The following BRIP1 variants were observed in gnomAD, a reference collection of about 807,000 sequenced individuals.
BRIP1 encodes the protein Fanconi anemia group J protein.
A neutral mutation model predicts 119.7 loss-of-function variants in BRIP1; 88 were observed. That is an observed-to-expected ratio of 0.74 (90% confidence interval 0.62 to 0.88). The LOEUF is 0.88. BRIP1 is among the 40% of genes least tolerant of loss of function. BRIP1 has a pLI of 0.00. For missense variants in BRIP1, 1,259 were observed against 1,455.4 expected, an observed-to-expected ratio of 0.87 and a Z score of 2.20; for synonymous variants, 443 against 496.5, an observed-to-expected ratio of 0.89 and a Z score of 1.43.
rs1307310344 is a variant in BRIP1 at position 61,810,265 on chromosome 17, T to C, written c.628-1508A>G. Among the ~76,000 whole-genome samples the C allele has an allele frequency of 6.6e-6, 1 of 152,240 alleles. No homozygotes were observed. The highest frequency in any genetic ancestry group is 2.4e-5 in the African/African-American group (1 of 41,470). ...AAAAGAAGAGTTATGAATGGGGCTC[T>C]TGTCAACAGTGAGGCAGGAAACAGC... On this transcript the variant is annotated intron_variant, in intron 6 of 19. Transcript: ENST00000259008. This position sits in a 1 kb window ranked among gnomAD's most constrained non-coding sequence, Gnocchi z 4.7.
rs2078857035 is a variant in BRIP1, at chr17:61,853,854, T to C, written c.379+3204A>G. Among the ~76,000 whole-genome samples the C allele has an allele frequency of 6.6e-6, 1 of 152,038 alleles. No individual in the cohort carries two copies. The highest frequency in any genetic ancestry group is 2.1e-4 in the South Asian group (1 of 4,828). Reference sequence around the variant, plus strand: ...ATTTAACAGTAAGAACACAAACTAATAAAAAATAGGCAATTATTCGAACAG... The same window carrying C: ...ATTTAACAGTAAGAACACAAACTAACAAAAAATAGGCAATTATTCGAACAG... On this transcript the variant is annotated intron_variant, in intron 4 of 19. Coordinates refer to ENST00000259008, the MANE Select transcript of BRIP1 (RefSeq NM_032043.3). The surrounding 1 kb of genome is among the most constrained non-coding windows in gnomAD (Gnocchi z 4.3).
intron 6 of BRIP1, among the ~76,000 whole-genome samples, chr17:61,811,200 A>G (rs1165610424): frequency 6.6e-6 from 1 of 151,984 alleles, no homozygotes; most frequent in African/African-American, 2.4e-5. Flanking sequence ...CCTCAAGAAG[A>G]TGGTTTTCTT....
rs568735651 is a variant in BRIP1 at position 61,824,467 on chromosome 17, T to C, written c.628-15710A>G. 3.9e-5 allele frequency among the ~76,000 whole-genome samples: 6 copies of C among 152,288 alleles called. No homozygotes were observed. The South Asian group carries it at 1.0e-3, about 26-fold the overall frequency. On this transcript the variant is annotated intron_variant, in intron 6 of 19. Coordinates refer to ENST00000259008, the MANE Select transcript of BRIP1 (RefSeq NM_032043.3). The surrounding 1 kb of genome is among the most constrained non-coding windows in gnomAD (Gnocchi z 4.3). The stretch of plus-strand genomic sequence containing the variant: ...TGGTACTGGCATAAAAACAGAAATA[T>C]AGACCAATGGAACAGAATAGAAATT...
rs1300404533 is a variant in BRIP1, at chr17:61,762,315, G to A, written c.2097+14086C>T. Among the ~76,000 whole-genome samples the A allele has an allele frequency of 2.6e-5, 4 of 151,932 alleles. No individual in the cohort carries two copies. Among genetic ancestry groups the A allele is most frequent in the Non-Finnish European group, 5.9e-5 (4 of 67,968 alleles). On this transcript the variant is annotated intron_variant, in intron 14 of 19. Transcript: ENST00000259008. This position sits in a 1 kb window ranked among gnomAD's most constrained non-coding sequence, Gnocchi z 4.3. Reference sequence around the variant, plus strand: ...AACTACTAGAAGAAAACAGAGGGGGGAAAACTACATAACATTGGTTTAGGC... The same window carrying A: ...AACTACTAGAAGAAAACAGAGGGGGAAAAACTACATAACATTGGTTTAGGC...
rs35235448 is a variant in BRIP1, at chr17:61,680,181, TAAAAAAA to T, written c.*3108_*3114del. Among the ~76,000 whole-genome samples, 8 of 127,938 alleles carry T rather than the reference TAAAAAAA, an allele frequency of 6.3e-5. No individual in the cohort carries two copies. The South Asian group carries it at 1.8e-3, about 29-fold the overall frequency. The allele number at this position is 127,938 out of a possible 152,430, so 83.9% of individuals were successfully genotyped here. ...AACATGGTGAAACCCTGTCGATACT[TAAAAAAA>T]AAAAAAAAAAAAAATTAGCTGGGTG... On this transcript the variant is annotated 3_prime_UTR_variant, in exon 20 of 20. Coordinates refer to ENST00000259008, the MANE Select transcript of BRIP1 (RefSeq NM_032043.3).
intron 14 of BRIP1, among the ~76,000 whole-genome samples, chr17:61,771,183 A>G (rs1224955115): frequency 2.4e-4 from 37 of 152,246 alleles, no homozygotes; most frequent in South Asian, 2.1e-4. Context: ...CACATATTGT[A>G]TGATTCAATT....
rs558268555 is a variant in BRIP1 at position 61,703,421 on chromosome 17, C to T, written c.2493-9909G>A. Among the ~76,000 whole-genome samples the T allele has an allele frequency of 6.6e-5, 10 of 152,262 alleles. No homozygotes were observed. In the South Asian group the frequency reaches 1.7e-3, roughly 25 times the overall value. ...AGTGTGTTGAACATTTTTTCATATGCTTCTTGGCCACATGCATGTCTCCTT... is the reference window on the plus strand; with the variant it reads ...AGTGTGTTGAACATTTTTTCATATGTTTCTTGGCCACATGCATGTCTCCTT... On this transcript the variant is annotated intron_variant, in intron 17 of 19. Coordinates refer to ENST00000259008, the MANE Select transcript of BRIP1 (RefSeq NM_032043.3). The surrounding 1 kb of genome is among the most constrained non-coding windows in gnomAD (Gnocchi z 5.0).
Position 61,752,713 on chromosome 17 carries a change from A to G in BRIP1, c.2098-8122T>C, listed in dbSNP as rs1020338052. Among the ~76,000 whole-genome samples, 1 of 152,218 alleles carries G rather than the reference A, an allele frequency of 6.6e-6. No individual in the cohort carries two copies. The highest frequency in any genetic ancestry group is 1.5e-5 in the Non-Finnish European group (1 of 68,028). Reference sequence around the variant, plus strand: ...TTCATTAATCAGTGAGTTTAATAAAATCTGTGATAGGTGTTAACTTTATAT... The same window carrying G: ...TTCATTAATCAGTGAGTTTAATAAAGTCTGTGATAGGTGTTAACTTTATAT... On this transcript the variant is annotated intron_variant, in intron 14 of 19. Coordinates refer to ENST00000259008, the MANE Select transcript of BRIP1 (RefSeq NM_032043.3). The surrounding 1 kb of genome is among the most constrained non-coding windows in gnomAD (Gnocchi z 6.2).
Position 61,680,519 on chromosome 17 carries a change from G to T in BRIP1, c.*2777C>A, listed in dbSNP as rs564563524. 6.6e-5 allele frequency among the ~76,000 whole-genome samples: 8 copies of T among 121,548 alleles called. No individual in the cohort carries two copies. The South Asian group carries it at 1.6e-3, about 24-fold the overall frequency. The allele number at this position is 121,548 out of a possible 152,430, so 79.7% of individuals were successfully genotyped here. A position where few individuals can be genotyped will look rare whatever the true frequency, so the allele number is the denominator to read the frequency against. ...TTTTGAGACGGAGTCCCGCTCTGTC[G>T]CCCAGGCTGGAGTGCAGTGGCGCAA... On this transcript the variant is annotated 3_prime_UTR_variant, in exon 20 of 20. Transcript: ENST00000259008.
rs1409464697 is a variant in BRIP1 at position 61,794,542 on chromosome 17, G to C, written c.1341-813C>G. Among the ~76,000 whole-genome samples, 1 of 151,928 alleles carries C rather than the reference G, an allele frequency of 6.6e-6. No individual in the cohort carries two copies. Among genetic ancestry groups the C allele is most frequent in the Non-Finnish European group, 1.5e-5 (1 of 67,964 alleles). On this transcript the variant is annotated intron_variant, in intron 9 of 19. Transcript: ENST00000259008. The surrounding 1 kb of genome is among the most constrained non-coding windows in gnomAD (Gnocchi z 4.3). ...ATACTGGGGCCTATCGGATGGTGTA[G>C]CGTTGGAGACGGGAAAAGATCAGGA...
Position 61,841,555 on chromosome 17 carries a change from T to C in BRIP1, c.627+5546A>G. Among the ~76,000 whole-genome samples, 1 of 152,086 alleles carries C rather than the reference T, an allele frequency of 6.6e-6. No individual in the cohort carries two copies. Among genetic ancestry groups the C allele is most frequent in the Non-Finnish European group, 1.5e-5 (1 of 67,994 alleles). Reference sequence around the variant, plus strand: ...CGAAAAGACAAAAAAAAATAACAAATGTTAGTGACGATGTGGAGAAGAAAC... The same window carrying C: ...CGAAAAGACAAAAAAAAATAACAAACGTTAGTGACGATGTGGAGAAGAAAC... On this transcript the variant is annotated intron_variant, in intron 6 of 19. Coordinates refer to ENST00000259008, the MANE Select transcript of BRIP1 (RefSeq NM_032043.3). The surrounding 1 kb of genome is among the most constrained non-coding windows in gnomAD (Gnocchi z 4.1).
At chr17:61,820,675 C>A (rs1229472935) in intron 6 of BRIP1, among the ~76,000 whole-genome samples, 1 of 152,174 alleles carries the variant, frequency 6.6e-6, no homozygotes. Flanking sequence ...AAGGGCCAGG[C>A]ACAGTGGCTC....
At chr17:61,783,211 G>T (rs774171175) in intron 11 of BRIP1, among the ~76,000 whole-genome samples, 2 of 152,130 alleles carry the variant, frequency 1.3e-5, no homozygotes, top group Non-Finnish European at 2.9e-5. Flanking sequence ...GTATTATTCA[G>T]CCATAGAAAG....
chr17:61,845,656 T>C lies in BRIP1; in HGVS notation c.627+1445A>G, dbSNP rs1324468998. Among the ~76,000 whole-genome samples, 1 of 152,180 alleles carries C rather than the reference T, an allele frequency of 6.6e-6. No individual in the cohort carries two copies. Among genetic ancestry groups the C allele is most frequent in the Non-Finnish European group, 1.5e-5 (1 of 68,038 alleles). On this transcript the variant is annotated intron_variant, in intron 6 of 19. Coordinates refer to ENST00000259008, the MANE Select transcript of BRIP1 (RefSeq NM_032043.3). The surrounding 1 kb of genome is among the most constrained non-coding windows in gnomAD (Gnocchi z 4.2). ...CATGGTTAGTATATCATTCACTCTT[T>C]TTCAAGCAAAAATGATGTTCCATGA...
chr17:61,859,990 C>G, intron 2 of BRIP1, 83 bp from the exon 3 acceptor site: 5 of 962,868 alleles, frequency 5.2e-6, no homozygotes, highest in Non-Finnish European at 8.2e-6. Context: ...AATAGAACAG[C>G]AAGGAAAAGT....
Position 61,844,532 on chromosome 17 carries a change from G to A in BRIP1, c.627+2569C>T, listed in dbSNP as rs1188158760. On this transcript the variant is annotated intron_variant, in intron 6 of 19. Transcript: ENST00000259008. This position sits in a 1 kb window ranked among gnomAD's most constrained non-coding sequence, Gnocchi z 4.7. ...TTGAGCCTGGGATTTTGAGGTTACA[G>A]TGGGCTATGATCACACCACTGCGTT... Among the ~76,000 whole-genome samples the A allele has an allele frequency of 6.6e-6, 1 of 152,172 alleles. No homozygotes were observed. The highest frequency in any genetic ancestry group is 2.4e-5 in the African/African-American group (1 of 41,444).
In BRIP1 at chr17:61,807,758, T is replaced by C. The variant is rs1239798821; in HGVS notation, c.918+709A>G. On this transcript the variant is annotated intron_variant, in intron 7 of 19. Coordinates refer to ENST00000259008, the MANE Select transcript of BRIP1 (RefSeq NM_032043.3). This position sits in a 1 kb window ranked among gnomAD's most constrained non-coding sequence, Gnocchi z 4.5. ...TGATTTGGGGGTATAATTTCATACT[T>C]GCAACTTCAATTTTAGAGTAAACTA... Among the ~76,000 whole-genome samples, 1 of 152,146 alleles carries C rather than the reference T, an allele frequency of 6.6e-6. No homozygotes were observed. The highest frequency in any genetic ancestry group is 2.4e-5 in the African/African-American group (1 of 41,450).
chr17:61,826,731 TAAAAAAAAAAAA>T (rs58466965), intron 6 of BRIP1, among the ~76,000 whole-genome samples: 2 of 75,316 alleles, frequency 2.7e-5, no homozygotes, highest in Non-Finnish European at 5.0e-5. Context: ...TATTAAAAAG[TAAAAAAAAAAAA>T]AAAAAAAAAA....
chr17:61,790,312 T>C (rs1051522707), intron 10 of BRIP1, among the ~76,000 whole-genome samples: 3 of 152,146 alleles, frequency 2.0e-5, no homozygotes, highest in African/African-American at 4.8e-5. Flanking sequence ...TGGGAGGCCA[T>C]GGTGGGCGGA....
Sources: gnomAD v4.1 joint callset for allele counts (sites outside exome capture counted in the v4.1 genomes callset) on GRCh38, gnomAD v4.1.1 for gene constraint, Gnocchi (gnomAD v3.1) non-coding constraint, MANE v1.5 for transcripts, NCBI Gene and HGNC (gene_info 2026-07-23, HGNC 2026-07-21) for gene names.